Variants in TUBD1 observed in about 807,000 individuals in gnomAD.
TUBD1 encodes tubulin delta 1.
Under a neutral mutation model 51.2 loss-of-function variants are expected in TUBD1, and 38 were observed. The ratio of observed to expected loss-of-function variants is 0.74; its 90% confidence interval spans 0.57 to 0.97. The LOEUF (loss-of-function observed/expected upper bound fraction) is 0.97. Among genes scored for constraint, TUBD1 ranks in the 50% least tolerant of loss-of-function variants. The pLI, the probability that TUBD1 is intolerant of heterozygous loss-of-function variation, is 0.00. For synonymous variants in TUBD1, 169 were observed against 178.2 expected (o/e 0.95, Z 0.41); for missense variants, 489 against 538.4 (o/e 0.91, Z 0.91).
In TUBD1 at chr17:59,880,902, T is replaced by C. The variant is rs139355190; in HGVS notation, c.529A>G (p.Thr177Ala). ...AATTAACATGTCCATACCTCACCAG[T>C]TCCATAAGGCCAAATAATCTGATTC... is the stretch of plus-strand genomic sequence containing the variant. The part of the protein sequence containing the change: ...KMNQIIWPYG[T>A]GEVIVQNYNS... Residue 177 changes from threonine to alanine, a missense_variant, in exon 4 of 9, where the codon ACT (threonine) becomes GCT (alanine). Coordinates refer to ENST00000325752, the MANE Select transcript of TUBD1 (RefSeq NM_016261.4). The C allele has an allele frequency of 6.2e-7, 1 of 1,613,640 alleles. No individual in the cohort carries two copies.
chr17:59,889,542 G>A (rs575383634), intron 2 of TUBD1, among the ~76,000 whole-genome samples: 29 of 150,982 alleles, frequency 1.9e-4, no homozygotes, highest in Non-Finnish European at 3.8e-4. Flanking sequence ...GGTGGCGCAT[G>A]CCTGTAGTCC....
intron 6 of TUBD1, among the ~76,000 whole-genome samples, chr17:59,870,950 T>C (rs1349668609): frequency 6.6e-6 from 1 of 152,184 alleles, no homozygotes; most frequent in Non-Finnish European, 1.5e-5. Flanking sequence ...TCTACTGAGA[T>C]AAACCAAAGA....
At position 59,880,068 on chromosome 17, in the gene TUBD1, T is replaced by A. The variant is rs192512514; in HGVS notation, c.537+826A>T. Among the ~76,000 whole-genome samples, 797 of 145,608 alleles carry A rather than the reference T, an allele frequency of 5.5e-3. 9 individuals are homozygous for A. The highest frequency in any genetic ancestry group is 0.018 in the African/African-American group (727 of 39,312). Reference sequence around the variant, plus strand: ...GCGCCCAGCCATTCTCTTAAAAAAATTTTTTTTTGAGATGGAGTCTCGCTC... The same window carrying A: ...GCGCCCAGCCATTCTCTTAAAAAAAATTTTTTTTGAGATGGAGTCTCGCTC... On this transcript the variant is annotated intron_variant, in intron 4 of 8. Coordinates refer to ENST00000325752, the MANE Select transcript of TUBD1 (RefSeq NM_016261.4).
intron 6 of TUBD1, among the ~76,000 whole-genome samples, chr17:59,872,693 A>AGTGTGTGTGTGT (rs1598525702): frequency 2.0e-5 from 2 of 97,932 alleles, no homozygotes; most frequent in African/African-American, 8.3e-5. Context: ...TGAAAATGGG[A>AGTGTGTGTGTGT]ATGTGTGTGT....
intron 3 of TUBD1, 128 bp from the exon 4 acceptor site, chr17:59,881,238 G>A (rs1337714423): frequency 8.2e-6 from 6 of 736,042 alleles, no homozygotes; most frequent in Non-Finnish European, 1.1e-5. Context: ...TCTCATGAAA[G>A]GTACAGGTAC....
At chr17:59,861,720 T>G (rs984651122) in intron 8 of TUBD1, among the ~76,000 whole-genome samples, 4 of 151,542 alleles carry the variant, frequency 2.6e-5, no homozygotes, top group Non-Finnish European at 5.9e-5. Flanking sequence ...TGGGCTGGAG[T>G]GCAGTGGCAT....
rs575106083 is a variant in TUBD1 at position 59,876,168 on chromosome 17, AC to A, written c.770-1466del. Among the ~76,000 whole-genome samples, 853 of 143,416 alleles carry A rather than the reference AC, an allele frequency of 5.9e-3. 5 individuals are homozygous for A. Among genetic ancestry groups the A allele is most frequent in the Non-Finnish European group, 8.7e-3 (580 of 66,966 alleles). 94.1% of individuals were successfully genotyped at this position (143,416 alleles called of 152,430 possible). ...AATAGTCAGAAAATAATTCATGAGC[AC>A]TAAGGCATGAATTCTTTTTTTTTTC... On this transcript the variant is annotated intron_variant, in intron 5 of 8. Transcript: ENST00000325752.
chr17:59,886,175 CATTT>C lies in TUBD1; in HGVS notation c.224_227del (p.Gln75ArgfsTer44). 1 of 1,613,762 alleles carries C rather than the reference CATTT, an allele frequency of 6.2e-7. No individual in the cohort carries two copies. Among genetic ancestry groups the C allele is most frequent in the Middle Eastern group, 1.7e-4 (1 of 6,060 alleles). ...GGCCAGACTGGGCAGCCTTTGACAG[CATTT>C]GATTGATAACTTTGGGTTCCATGTC... On this transcript the variant is annotated frameshift_variant, in exon 3 of 9. Coordinates refer to ENST00000325752, the MANE Select transcript of TUBD1 (RefSeq NM_016261.4). LOFTEE classifies it high-confidence loss of function.
chr17:59,879,752 ATT>A (rs2040397617), intron 4 of TUBD1, among the ~76,000 whole-genome samples: 1 of 148,314 alleles, frequency 6.7e-6, no homozygotes. Context: ...CTGAAAAAAA[ATT>A]TTTCTTTTTT....
In TUBD1 at chr17:59,886,025, T is replaced by C. The variant is rs2040704731; in HGVS notation, c.320+58A>G. ...CAACTATACAGTTCTAACTTTGCTA[T>C]CTATTAATTGACTGTGTAGCTGTCA... On this transcript the variant is annotated intron_variant, in intron 3 of 8. Coordinates refer to ENST00000325752, the MANE Select transcript of TUBD1 (RefSeq NM_016261.4). The C allele has an allele frequency of 1.9e-6, 3 of 1,564,242 alleles. No homozygotes were observed. In the African/African-American group the frequency reaches 4.1e-5, roughly 21 times the overall value.
intron 6 of TUBD1, among the ~76,000 whole-genome samples, chr17:59,872,613 GAAGA>G (rs144619095): frequency 4.4e-4 from 67 of 152,088 alleles, no homozygotes; most frequent in African/African-American, 1.5e-3. Context: ...AAGTATGTTA[GAAGA>G]ATGAAGGTAA....
chr17:59,880,599 C>G (rs2144534602), intron 4 of TUBD1, among the ~76,000 whole-genome samples: 1 of 152,106 alleles, frequency 6.6e-6, no homozygotes, highest in African/African-American at 2.4e-5. Flanking sequence ...ACTGCAAGCT[C>G]CGCCTCATGG....
chr17:59,869,416 A>G (rs1289903597), intron 6 of TUBD1, among the ~76,000 whole-genome samples: 1 of 151,780 alleles, frequency 6.6e-6, no homozygotes, highest in Non-Finnish European at 1.5e-5. Context: ...CAGCGGTTGC[A>G]GTGAGCCAAG....
intron 6 of TUBD1, among the ~76,000 whole-genome samples, chr17:59,869,753 T>C (rs1045728018): frequency 1.3e-5 from 2 of 152,136 alleles, no homozygotes; most frequent in African/African-American, 2.4e-5. Context: ...ATATTACAAA[T>C]AAATGTTGAG....
At chr17:59,873,481 G>A (rs1219552848) in intron 6 of TUBD1, among the ~76,000 whole-genome samples, 1 of 152,052 alleles carries the variant, frequency 6.6e-6, no homozygotes, top group Non-Finnish European at 1.5e-5. Context: ...GAACTCCTGG[G>A]CTCAAGCGCT....
intron 6 of TUBD1, among the ~76,000 whole-genome samples, chr17:59,867,166 GT>G (rs1002488448): frequency 2.1e-5 from 3 of 145,166 alleles, no homozygotes; most frequent in Non-Finnish European, 3.0e-5. Context: ...TGTATTTTAG[GT>G]TTTTTTTTTG....
chr17:59,868,822 C>T (rs1356214444), intron 6 of TUBD1, among the ~76,000 whole-genome samples: 9 of 150,322 alleles, frequency 6.0e-5, no homozygotes, highest in Non-Finnish European at 1.2e-4. Flanking sequence ...GGCGACGGAG[C>T]GAGACTCCAT....
intron 6 of TUBD1, among the ~76,000 whole-genome samples, chr17:59,872,857 C>G (rs2040057281): frequency 6.6e-6 from 1 of 151,716 alleles, no homozygotes; most frequent in Admixed American, 6.6e-5. Flanking sequence ...ACCTCTGCCT[C>G]CCGGGTTCAA....
At position 59,884,444 on chromosome 17, in the gene TUBD1, C is replaced by A. The variant is rs374928756; in HGVS notation, c.320+1639G>T. ...CCTGGCCAAACTGGTGAAACCCCGT[C>A]TCTACTAAAAAATACAAAAATTAGC... On this transcript the variant is annotated intron_variant, in intron 3 of 8. Coordinates refer to ENST00000325752, the MANE Select transcript of TUBD1 (RefSeq NM_016261.4). 4.3e-4 allele frequency among the ~76,000 whole-genome samples: 65 copies of A among 151,728 alleles called. 1 individual carries two copies. The highest frequency in any genetic ancestry group is 1.6e-3 in the African/African-American group (65 of 41,372).
Sources: allele counts gnomAD v4.1 joint callset (sites outside exome capture counted in the v4.1 genomes callset), GRCh38; gene constraint gnomAD v4.1.1; transcripts MANE v1.5; gene names NCBI Gene and HGNC (gene_info 2026-07-23, HGNC 2026-07-21).